SRBD1: variants seen among roughly 807,000 people sequenced by gnomAD.
The protein encoded by SRBD1 is S1 RNA binding domain 1.
SRBD1 carries 88 observed loss-of-function variants against 115.3 expected under a neutral mutation model. That is an observed-to-expected ratio of 0.76 (90% CI 0.64 to 0.91). The LOEUF (loss-of-function observed/expected upper bound fraction) is 0.91. SRBD1 is among the 40% of genes least tolerant of loss of function. SRBD1 has a pLI of 0.00. For missense variants in SRBD1, 1,385 were observed against 1,177.4 expected (o/e 1.18, Z -2.58); for synonymous variants, 509 against 407.7 (o/e 1.25, Z -2.99).
intron 3 of SRBD1, among the ~76,000 whole-genome samples, chr2:45,601,358 T>TA (rs1674086018): frequency 6.6e-6 from 1 of 152,234 alleles, no homozygotes; most frequent in Non-Finnish European, 1.5e-5. Flanking sequence ...ATTATTATTT[T>TA]AAACTATTAA....
intron 14 of SRBD1, among the ~76,000 whole-genome samples, chr2:45,498,566 T>C (rs915660507): frequency 1.2e-4 from 18 of 152,212 alleles, no homozygotes; most frequent in Admixed American, 1.2e-3. Flanking sequence ...AATTCTCTTC[T>C]ATTTAAAAAT....
intron 16 of SRBD1, among the ~76,000 whole-genome samples, chr2:45,455,960 C>T (rs1572660130): frequency 1.3e-5 from 2 of 151,850 alleles, no homozygotes; most frequent in African/African-American, 2.4e-5. Context: ...TACAGTTTCA[C>T]CTTAGTGACT....
chr2:45,529,242 G>C (rs1222604390), intron 14 of SRBD1, among the ~76,000 whole-genome samples: 2 of 151,912 alleles, frequency 1.3e-5, no homozygotes, highest in Admixed American at 6.6e-5. Flanking sequence ...AATTCAATAA[G>C]ACAGATACAT....
chr2:45,409,636 G>A (rs1312811148), intron 19 of SRBD1, among the ~76,000 whole-genome samples: 2 of 151,922 alleles, frequency 1.3e-5, no homozygotes, highest in South Asian at 2.1e-4. Flanking sequence ...CTTAAGGAAC[G>A]TACAAATACC....
At chr2:45,549,882 A>G (rs1456576055) in intron 12 of SRBD1, among the ~76,000 whole-genome samples, 3 of 152,034 alleles carry the variant, frequency 2.0e-5, no homozygotes, top group Non-Finnish European at 4.4e-5. Flanking sequence ...TAAATAAATA[A>G]AAGAATAACA....
chr2:45,436,125 C>T (rs1007853283), intron 16 of SRBD1, among the ~76,000 whole-genome samples: 1 of 151,930 alleles, frequency 6.6e-6, no homozygotes, highest in Non-Finnish European at 1.5e-5. Flanking sequence ...TTAATGGAAT[C>T]TATCACATCA....
chr2:45,526,572 C>T (rs1170784409), intron 14 of SRBD1, among the ~76,000 whole-genome samples: 1 of 151,788 alleles, frequency 6.6e-6, no homozygotes, highest in Non-Finnish European at 1.5e-5. Flanking sequence ...TTAAAAATCG[C>T]TGAATTATAT....
intron 14 of SRBD1, among the ~76,000 whole-genome samples, chr2:45,534,467 G>A (rs1477286511): frequency 6.6e-6 from 1 of 151,872 alleles, no homozygotes; most frequent in Non-Finnish European, 1.5e-5. Flanking sequence ...ATCATCTCAA[G>A]CCATCACTGT....
At chr2:45,470,272 G>T (rs1352066149) in intron 16 of SRBD1, among the ~76,000 whole-genome samples, 1 of 152,042 alleles carries the variant, frequency 6.6e-6, no homozygotes, top group Non-Finnish European at 1.5e-5. Flanking sequence ...CACAGAGCAG[G>T]AATGAAAGAA....
At chr2:45,599,926 T>C in intron 3 of SRBD1, 91 bp from the exon 4 acceptor site, 1 of 1,365,310 alleles carries the variant, frequency 7.3e-7, no homozygotes, top group Non-Finnish European at 9.8e-7. Context: ...AACAAATTAT[T>C]GATACACACA....
rs1222520122 is a variant in SRBD1 at position 45,488,303 on chromosome 2, A to G, written c.1903T>C (p.Tyr635His). 1 of 1,613,940 alleles carries G rather than the reference A, an allele frequency of 6.2e-7. No homozygotes were observed. The highest frequency in any genetic ancestry group is 8.5e-7 in the Non-Finnish European group (1 of 1,179,912). ...TTGTTAGCTTCAGGGCTGACACTGTAGATTGATGCTCCTGCTTCACTGACG... is the reference window on the plus strand; with the variant it reads ...TTGTTAGCTTCAGGGCTGACACTGTGGATTGATGCTCCTGCTTCACTGACG... ...CIVSEAGASI[Y>H]SVSPEANKEM... The change falls in exon 15 of 21, where the codon TAC becomes CAC. Residue 635 changes from tyrosine to histidine, a missense_variant. Tyr to His is a moderately conservative substitution (Grantham distance 83). Transcript: ENST00000263736.
At chr2:45,582,768 T>A (rs928733871) in intron 5 of SRBD1, among the ~76,000 whole-genome samples, 1 of 152,132 alleles carries the variant, frequency 6.6e-6, no homozygotes, top group African/African-American at 2.4e-5. Context: ...TATCTTCTAG[T>A]TTCCCTGCCC....
rs1558563930 is a variant in SRBD1, at chr2:45,414,928, CACACAGTGTTATATAGTATGTACAT to C, written c.2334-1660_2334-1636del. Among the ~76,000 whole-genome samples the C allele has an allele frequency of 2.2e-4, 23 of 104,602 alleles. 1 individual carries two copies. Among genetic ancestry groups the C allele is most frequent in the African/African-American group, 9.4e-4 (20 of 21,248 alleles). The allele number at this position is 104,602 out of a possible 152,430, so 68.6% of individuals were successfully genotyped here. ...ATATAGTGTGTATATAGTATGTACA[CACACAGTGTTATATAGTATGTACAT>C]ACACACACATATAGTGTGTATATAG... is the stretch of plus-strand genomic sequence containing the variant. On this transcript the variant is annotated intron_variant, in intron 18 of 20. Transcript: ENST00000263736.
intron 10 of SRBD1, among the ~76,000 whole-genome samples, chr2:45,555,578 C>G (rs552260668): frequency 1.4e-4 from 21 of 151,494 alleles, no homozygotes; most frequent in Middle Eastern, 3.4e-3. Context: ...GCAACCTCCA[C>G]CTCCTGGGTT....
intron 11 of SRBD1, among the ~76,000 whole-genome samples, chr2:45,553,271 A>G (rs1296768585): frequency 6.6e-6 from 1 of 152,188 alleles, no homozygotes; most frequent in Non-Finnish European, 1.5e-5. Flanking sequence ...TTTGGAGTTA[A>G]AAACAAAGTA....
chr2:45,577,328 G>A lies in SRBD1; in HGVS notation c.1072+2547C>T, dbSNP rs1170110363. ...GTTTAATACAGCCAAGATAACAGAT[G>A]TTCCAAAAGTTTAGCACCTCAGTTA... On this transcript the variant is annotated intron_variant, in intron 7 of 20. Transcript: ENST00000263736. 3.3e-5 allele frequency among the ~76,000 whole-genome samples: 5 copies of A among 152,210 alleles called. No homozygotes were observed. The East Asian group carries it at 9.6e-4, about 29-fold the overall frequency.
chr2:45,414,936 G>GT (rs1185520221), intron 18 of SRBD1, among the ~76,000 whole-genome samples: 1 of 111,762 alleles, frequency 8.9e-6, no homozygotes. Context: ...CACACACAGT[G>GT]TTATATAGTA....
At chr2:45,486,610 G>A (rs1368050452) in intron 15 of SRBD1, among the ~76,000 whole-genome samples, 3 of 151,996 alleles carry the variant, frequency 2.0e-5, no homozygotes, top group African/African-American at 4.8e-5. Context: ...GCAGGCGCCT[G>A]TAGTCCCAGC....
chr2:45,510,635 C>T (rs1326364885), intron 14 of SRBD1, among the ~76,000 whole-genome samples: 1 of 152,364 alleles, frequency 6.6e-6, no homozygotes, highest in Admixed American at 6.5e-5. Flanking sequence ...GAAGACTCCA[C>T]TTCAGGCCCA....
Sources: gnomAD v4.1 joint callset for allele counts (sites outside exome capture counted in the v4.1 genomes callset) on GRCh38, gnomAD v4.1.1 for gene constraint, MANE v1.5 for transcripts, NCBI Gene and HGNC (gene_info 2026-07-23, HGNC 2026-07-21) for gene names.